The following JMY variants were observed in gnomAD, a reference collection of about 807,000 sequenced individuals.
The protein encoded by JMY is junction mediating and regulatory protein, p53 cofactor, also known as junction-mediating and -regulatory protein.
In JMY, 46 loss-of-function variants were observed where a neutral mutation model predicts 103.3. The ratio of observed to expected loss-of-function variants is 0.45; its 90% CI spans 0.35 to 0.57. The LOEUF is 0.57. Among genes scored for constraint, JMY ranks in the 20% least tolerant of loss-of-function variants. The pLI is 0.00. For missense variants in JMY, 1,238 were observed against 1,255.2 expected, an observed-to-expected ratio of 0.99 and a Z score of 0.21; for synonymous variants, 526 against 489.3, an observed-to-expected ratio of 1.07 and a Z score of -0.99.
At chr5:79,240,268 C>T (rs1719718962) in intron 1 of JMY, among the ~76,000 whole-genome samples, 1 of 152,062 alleles carries the variant, frequency 6.6e-6, no homozygotes, top group Admixed American at 6.6e-5. Flanking sequence ...CCTGCCTCAG[C>T]TTCCCAAAGT....
intron 1 of JMY, among the ~76,000 whole-genome samples, chr5:79,242,057 A>T (rs1049371871): frequency 1.3e-5 from 2 of 152,206 alleles, no homozygotes; most frequent in African/African-American, 2.4e-5. Context: ...CTTAATTATG[A>T]TGGTAGGCTT....
chr5:79,298,771 A>G (rs1746640403), intron 4 of JMY, among the ~76,000 whole-genome samples: 2 of 152,250 alleles, frequency 1.3e-5, no homozygotes, highest in Non-Finnish European at 2.9e-5. Flanking sequence ...ATTGCTTTTC[A>G]GTTCAAAATT....
chr5:79,275,276 T>A (rs1035862877), intron 1 of JMY, among the ~76,000 whole-genome samples: 1 of 151,050 alleles, frequency 6.6e-6, no homozygotes. Flanking sequence ...TCCTCCTGCC[T>A]CAGCCTCCCG....
In JMY at chr5:79,258,791, C is replaced by T. The variant is rs868078062; in HGVS notation, c.1033-19119C>T. Among the ~76,000 whole-genome samples the T allele has an allele frequency of 2.6e-5, 4 of 152,166 alleles. No homozygotes were observed. The South Asian group carries it at 8.3e-4, about 32-fold the overall frequency. ...GGTGTCACCGCTCTGGCTTGGGGAGCTCCTAGGTCTGGGCTCCCCAGAGGG... is the reference window on the plus strand; with the variant it reads ...GGTGTCACCGCTCTGGCTTGGGGAGTTCCTAGGTCTGGGCTCCCCAGAGGG... On this transcript the variant is annotated intron_variant, in intron 1 of 10. Transcript: ENST00000396137.
intron 7 of JMY, among the ~76,000 whole-genome samples, chr5:79,311,485 G>GA (rs1747047087): frequency 6.6e-6 from 1 of 152,184 alleles, no homozygotes; most frequent in Non-Finnish European, 1.5e-5. Flanking sequence ...AAAAGGACAG[G>GA]AGAACAATGG....
chr5:79,278,130 C>T, intron 2 of JMY, 47 bp downstream of exon 2: 1 of 1,433,122 alleles, frequency 7.0e-7, no homozygotes, highest in South Asian at 1.3e-5. Context: ...TTTCATAGTT[C>T]TCAGCCTGAA....
chr5:79,289,559 C>T (rs1000251495), intron 2 of JMY, among the ~76,000 whole-genome samples: 8 of 152,060 alleles, frequency 5.3e-5, no homozygotes, highest in African/African-American at 1.7e-4. Context: ...AATATTATCA[C>T]TTCTTTAAAT....
chr5:79,314,600 T>C lies in JMY; in HGVS notation c.2408T>C (p.Leu803Pro), dbSNP rs62363098. ...CCATGTTCTGTTACCATAAATCCACTCCCATCCCCTCTTCCTCCAACACCA... is the reference window on the plus strand; with the variant it reads ...CCATGTTCTGTTACCATAAATCCACCCCCATCCCCTCTTCCTCCAACACCA... ...LEPCSVTINP[L>P]PSPLPPTPPP... Residue 803 changes from leucine to proline, a missense_variant, in exon 9 of 11, where the codon CTC becomes CCC. Transcript: ENST00000396137. 1 of 1,613,182 alleles carries C rather than the reference T, an allele frequency of 6.2e-7. No homozygotes were observed. Among genetic ancestry groups the C allele is most frequent in the Admixed American group, 1.7e-5 (1 of 59,954 alleles).
intron 2 of JMY, among the ~76,000 whole-genome samples, chr5:79,289,279 A>G (rs1289341461): frequency 1.3e-5 from 2 of 149,112 alleles, no homozygotes; most frequent in African/African-American, 2.5e-5. Context: ...TATTATTTCT[A>G]CCTTCAGAAT....
intron 2 of JMY, chr5:79,284,054 T>TTCTTG: frequency 1.0e-6 from 1 of 995,704 alleles, no homozygotes; most frequent in Non-Finnish European, 1.4e-6. Flanking sequence ...ATTACTTTCT[T>TTCTTG]TTTTTTATTT....
rs1747082532 is a variant in JMY at position 79,312,433 on chromosome 5, A to G, written c.1999A>G (p.Arg667Gly). The stretch of plus-strand genomic sequence containing the variant: ...AGAAAAATTACATGATGAAGAAGAA[A>G]GAAAAAGTGCCTGGGTTAGCCAAGA... ...KREKLHDEEE[R>G]KSAWVSQERQ... The change falls in exon 8 of 11, where the codon AGA becomes GGA. Residue 667 changes from arginine to glycine, a missense_variant. By Grantham distance (125) the Arg-to-Gly change is moderately radical. Transcript: ENST00000396137. The G allele has an allele frequency of 6.3e-7, 1 of 1,587,918 alleles. No individual in the cohort carries two copies.
At chr5:79,304,778 C>A (rs1289595612) in intron 6 of JMY, among the ~76,000 whole-genome samples, 1 of 152,182 alleles carries the variant, frequency 6.6e-6, no homozygotes, top group African/African-American at 2.4e-5. Context: ...TAACACCATT[C>A]TCTAAATTAT....
chr5:79,246,354 ATAGT>A lies in JMY; in HGVS notation c.1032+8679_1032+8682del, dbSNP rs371504084. ...ATATAACAAGTTTTCAATAACTGCA[ATAGT>A]TAGTTAACCTTTATTGAATGCTTAC... On this transcript the variant is annotated intron_variant, in intron 1 of 10. Transcript: ENST00000396137. 4.2e-3 allele frequency among the ~76,000 whole-genome samples: 636 copies of A among 152,340 alleles called. 6 individuals are homozygous for A. Among genetic ancestry groups the A allele is most frequent in the African/African-American group, 0.014 (600 of 41,592 alleles).
intron 2 of JMY, among the ~76,000 whole-genome samples, chr5:79,280,114 G>T (rs948763974): frequency 6.6e-6 from 1 of 152,148 alleles, no homozygotes; most frequent in Non-Finnish European, 1.5e-5. Context: ...AAAGTGCTGG[G>T]ATTATAGGCA....
chr5:79,279,854 T>C (rs1304967440), intron 2 of JMY, among the ~76,000 whole-genome samples: 1 of 152,074 alleles, frequency 6.6e-6, no homozygotes, highest in Non-Finnish European at 1.5e-5. Flanking sequence ...TTTTGTTTTG[T>C]TTTGTTTTTT....
chr5:79,312,594 T>A, intron 8 of JMY, 96 bp downstream of exon 8: 4 of 581,484 alleles, frequency 6.9e-6, no homozygotes, highest in Non-Finnish European at 1.1e-5. Flanking sequence ...GGGAAAAACT[T>A]GGTTTTCCCT....
At chr5:79,252,530 C>G (rs1452119914) in intron 1 of JMY, among the ~76,000 whole-genome samples, 2 of 152,068 alleles carry the variant, frequency 1.3e-5, no homozygotes, top group Non-Finnish European at 2.9e-5. Flanking sequence ...GATTTTCTGT[C>G]TGGAAGATCT....
At chr5:79,246,327 G>A (rs1325314413) in intron 1 of JMY, among the ~76,000 whole-genome samples, 2 of 152,170 alleles carry the variant, frequency 1.3e-5, no homozygotes, top group Admixed American at 6.5e-5. Context: ...GTATAAGGAT[G>A]TATATAACAA....
At chr5:79,318,754 A>ATC (rs1747333212) in intron 10 of JMY, among the ~76,000 whole-genome samples, 1 of 47,252 alleles carries the variant, frequency 2.1e-5, no homozygotes, top group Admixed American at 2.2e-4. Context: ...ATATATATAT[A>ATC]TATATATAGA....
Sources: allele counts gnomAD v4.1 joint callset (sites outside exome capture counted in the v4.1 genomes callset), GRCh38; gene constraint gnomAD v4.1.1; transcripts MANE v1.5; gene names NCBI Gene and HGNC (gene_info 2026-07-23, HGNC 2026-07-21).